The following RFTN1 variants were observed in gnomAD, a reference collection of about 807,000 sequenced individuals.
RFTN1 encodes the protein raftlin, lipid raft linker 1, also known as raftlin.
RFTN1 carries 26 observed loss-of-function variants against 46.5 expected under a neutral mutation model. The ratio of observed to expected loss-of-function variants is 0.56; its 90% CI spans 0.41 to 0.78. The LOEUF (loss-of-function observed/expected upper bound fraction) is 0.78. RFTN1 is among the 30% of genes least tolerant of loss of function. The pLI is 0.00. For missense variants in RFTN1, 693 were observed against 718.7 expected (o/e 0.96, Z 0.41); for synonymous variants, 261 against 284.2 (o/e 0.92, Z 0.82).
Position 16,387,388 on chromosome 3 carries a change from GAC to G in RFTN1, c.442-9288_442-9287del, listed in dbSNP as rs144374174. ...CCACCACCTCCAGAGATGACTTAAA[GAC>G]AAAATCGAGGTCAGAAGCTGAGAAG... On this transcript the variant is annotated intron_variant, in intron 4 of 9. Transcript: ENST00000334133. The surrounding 1 kb of genome is among the most constrained non-coding windows in gnomAD (Gnocchi z 5.2). Among the ~76,000 whole-genome samples, 118 of 152,180 alleles carry G rather than the reference GAC, an allele frequency of 7.8e-4. No individual in the cohort carries two copies. The highest frequency in any genetic ancestry group is 2.7e-3 in the African/African-American group (111 of 41,520).
intron 5 of RFTN1, among the ~76,000 whole-genome samples, chr3:16,377,452 C>T (rs902223776): frequency 6.6e-6 from 1 of 152,220 alleles, no homozygotes; most frequent in East Asian, 1.9e-4. Flanking sequence ...AAAGAGCTCA[C>T]AGTCTAGAAT....
In RFTN1 at chr3:16,337,972, G is replaced by A. The variant is rs535397171; in HGVS notation, c.1147-11096C>T. ...CCCAGCAGTGCCACCAGCTTGCCCTGGAAGAGAGAGATAAAAACCCACACT... is the reference window on the plus strand; with the variant it reads ...CCCAGCAGTGCCACCAGCTTGCCCTAGAAGAGAGAGATAAAAACCCACACT... On this transcript the variant is annotated intron_variant, in intron 7 of 9. Transcript: ENST00000334133. The surrounding 1 kb of genome is among the most constrained non-coding windows in gnomAD (Gnocchi z 5.0). Among the ~76,000 whole-genome samples, 1 of 152,122 alleles carries A rather than the reference G, an allele frequency of 6.6e-6. No individual in the cohort carries two copies. Among genetic ancestry groups the A allele is most frequent in the Non-Finnish European group, 1.5e-5 (1 of 68,014 alleles).
At chr3:16,396,837 C>T (rs1051792837) in intron 4 of RFTN1, among the ~76,000 whole-genome samples, 11 of 152,120 alleles carry the variant, frequency 7.2e-5, no homozygotes, top group East Asian at 1.9e-4. Flanking sequence ...CTGAGGTGGG[C>T]GGATCACCTG....
Position 16,395,173 on chromosome 3 carries a change from G to A in RFTN1, c.441+14202C>T, listed in dbSNP as rs187777439. On this transcript the variant is annotated intron_variant, in intron 4 of 9. Coordinates refer to ENST00000334133, the MANE Select transcript of RFTN1 (RefSeq NM_015150.2). ...TATTCCTCAAATGTTATATGCCAAAGTTGGCCCCAAACTTTTTAAATGTTT... is the reference window on the plus strand; with the variant it reads ...TATTCCTCAAATGTTATATGCCAAAATTGGCCCCAAACTTTTTAAATGTTT... Among the ~76,000 whole-genome samples the A allele has an allele frequency of 3.1e-3, 466 of 152,296 alleles. 2 individuals are homozygous for A. Among genetic ancestry groups the A allele is most frequent in the Non-Finnish European group, 5.2e-3 (357 of 68,024 alleles).
rs1209777819 is a variant in RFTN1 at position 16,509,836 on chromosome 3, G to C, written c.-9+3606C>G. ...TACCCTCTGGCAGGCACTGCGCTAGGCTTTTAAGGAGGAGGGAACAGTCCC... is the reference window on the plus strand; with the variant it reads ...TACCCTCTGGCAGGCACTGCGCTAGCCTTTTAAGGAGGAGGGAACAGTCCC... On this transcript the variant is annotated intron_variant, in intron 1 of 9. Coordinates refer to ENST00000334133, the MANE Select transcript of RFTN1 (RefSeq NM_015150.2). The surrounding 1 kb of genome is among the most constrained non-coding windows in gnomAD (Gnocchi z 4.9). Among the ~76,000 whole-genome samples, 1 of 152,128 alleles carries C rather than the reference G, an allele frequency of 6.6e-6. No homozygotes were observed. Among genetic ancestry groups the C allele is most frequent in the Non-Finnish European group, 1.5e-5 (1 of 68,010 alleles).
chr3:16,486,538 T>G (rs1211364436), intron 2 of RFTN1, among the ~76,000 whole-genome samples: 1 of 152,198 alleles, frequency 6.6e-6, no homozygotes, highest in African/African-American at 2.4e-5. Context: ...GTGAAAAGAT[T>G]ATCTGCTTCC....
At position 16,351,108 on chromosome 3, in the gene RFTN1, G is replaced by T. The variant is rs2072067839; in HGVS notation, c.1146+6824C>A. 6.6e-6 allele frequency among the ~76,000 whole-genome samples: 1 copy of T among 152,156 alleles called. No homozygotes were observed. Among genetic ancestry groups the T allele is most frequent in the Admixed American group, 6.5e-5 (1 of 15,278 alleles). On this transcript the variant is annotated intron_variant, in intron 7 of 9. Coordinates refer to ENST00000334133, the MANE Select transcript of RFTN1 (RefSeq NM_015150.2). The surrounding 1 kb of genome is among the most constrained non-coding windows in gnomAD (Gnocchi z 5.4). ...TGAGACAGGGTTACAGGCCAGAGTA[G>T]GTTTCAGTTACAGAAAAGTGTGTCA...
intron 2 of RFTN1, among the ~76,000 whole-genome samples, chr3:16,482,215 G>GT (rs2076377494): frequency 6.6e-6 from 1 of 152,174 alleles, no homozygotes; most frequent in Admixed American, 6.5e-5. Context: ...CTGCGGCTCT[G>GT]TAAGACAAGA....
At chr3:16,330,625 C>T (rs889861545) in intron 7 of RFTN1, among the ~76,000 whole-genome samples, 2 of 152,196 alleles carry the variant, frequency 1.3e-5, no homozygotes, top group Non-Finnish European at 2.9e-5. Flanking sequence ...ACGTAATCTC[C>T]GATCACACCT....
At chr3:16,364,082 C>T (rs74477348) in intron 6 of RFTN1, among the ~76,000 whole-genome samples, 3,194 of 152,298 alleles carry the variant, frequency 0.021, 55 homozygotes, top group African/African-American at 0.041. Flanking sequence ...TGCTCTGGGC[C>T]GGCCTGCCTT....
rs2073769090 is a variant in RFTN1, at chr3:16,376,318, C to T, written c.826+1400G>A. ...AGAAACTGAGGCACGGAAGGCAGGCCGGAATGTATACTCTAGATTCTTGAG... is the reference window on the plus strand; with the variant it reads ...AGAAACTGAGGCACGGAAGGCAGGCTGGAATGTATACTCTAGATTCTTGAG... On this transcript the variant is annotated intron_variant, in intron 5 of 9. Transcript: ENST00000334133. The surrounding 1 kb of genome is among the most constrained non-coding windows in gnomAD (Gnocchi z 4.7). Among the ~76,000 whole-genome samples, 2 of 152,154 alleles carry T rather than the reference C, an allele frequency of 1.3e-5. No individual in the cohort carries two copies. Among genetic ancestry groups the T allele is most frequent in the African/African-American group, 4.8e-5 (2 of 41,420 alleles).
chr3:16,375,657 G>A (rs1324468393), intron 5 of RFTN1, among the ~76,000 whole-genome samples: 1 of 152,298 alleles, frequency 6.6e-6, no homozygotes, highest in East Asian at 1.9e-4. Context: ...AGAGATAAAG[G>A]GACTGCTTTA....
In RFTN1 at chr3:16,451,349, C is replaced by A. The variant is rs909867276; in HGVS notation, c.146-17312G>T. On this transcript the variant is annotated intron_variant, in intron 2 of 9. Transcript: ENST00000334133. The surrounding 1 kb of genome is among the most constrained non-coding windows in gnomAD (Gnocchi z 4.2). ...TCCTTCCAGGACACATGGTAGATGCCCCTGCATGCTGGACACGAAGTCTAA... is the reference window on the plus strand; with the variant it reads ...TCCTTCCAGGACACATGGTAGATGCACCTGCATGCTGGACACGAAGTCTAA... Among the ~76,000 whole-genome samples, 3 of 152,152 alleles carry A rather than the reference C, an allele frequency of 2.0e-5. No homozygotes were observed. Among genetic ancestry groups the A allele is most frequent in the African/African-American group, 7.2e-5 (3 of 41,436 alleles).
rs375946247 is a variant in RFTN1, at chr3:16,316,814, A to G, written c.*14T>C. On this transcript the variant is annotated 3_prime_UTR_variant, in exon 10 of 10. Coordinates refer to ENST00000334133, the MANE Select transcript of RFTN1 (RefSeq NM_015150.2). This position sits in a 1 kb window ranked among gnomAD's most constrained non-coding sequence, Gnocchi z 4.5. ...TTGGCAACTCACCTAGTTTTAGCAC[A>G]AATTGCCCAAGACTCAGTTTTCTTC... 1.2e-6 allele frequency: 2 copies of G among 1,613,150 alleles called. No homozygotes were observed. The highest frequency in any genetic ancestry group is 2.7e-5 in the African/African-American group (2 of 74,930).
At chr3:16,377,373 C>T (rs1238947653) in intron 5 of RFTN1, among the ~76,000 whole-genome samples, 1 of 152,170 alleles carries the variant, frequency 6.6e-6, no homozygotes, top group Admixed American at 6.5e-5. Flanking sequence ...TTCATCGGTG[C>T]CTGGCAGGCT....
At chr3:16,478,775 C>T (rs2076321939) in intron 2 of RFTN1, among the ~76,000 whole-genome samples, 1 of 152,164 alleles carries the variant, frequency 6.6e-6, no homozygotes, top group South Asian at 2.1e-4. Flanking sequence ...GGCTTAGGGC[C>T]CCAATTCCTC....
Position 16,478,900 on chromosome 3 carries a change from G to A in RFTN1, c.145+14825C>T, listed in dbSNP as rs140179878. ...GGGGAGTAATCAAGAGAGAGCGGGAGAGTGCAAGATGGAAGCTACAATCTT... is the reference window on the plus strand; with the variant it reads ...GGGGAGTAATCAAGAGAGAGCGGGAAAGTGCAAGATGGAAGCTACAATCTT... On this transcript the variant is annotated intron_variant, in intron 2 of 9. Transcript: ENST00000334133. Among the ~76,000 whole-genome samples, 308 of 152,316 alleles carry A rather than the reference G, an allele frequency of 2.0e-3. 3 individuals carry two copies. Among genetic ancestry groups the A allele is most frequent in the African/African-American group, 6.7e-3 (278 of 41,574 alleles).
chr3:16,473,832 T>G lies in RFTN1; in HGVS notation c.145+19893A>C, dbSNP rs565084135. Among the ~76,000 whole-genome samples the G allele has an allele frequency of 2.0e-5, 3 of 152,198 alleles. No homozygotes were observed. The highest frequency in any genetic ancestry group is 4.4e-5 in the Non-Finnish European group (3 of 68,024). On this transcript the variant is annotated intron_variant, in intron 2 of 9. Transcript: ENST00000334133. This position sits in a 1 kb window ranked among gnomAD's most constrained non-coding sequence, Gnocchi z 5.3. ...CCTCCCACTTCTCCCTATCCTTCCC[T>G]GTCCTAGAAGCACGAAACCTACCTC... is the stretch of plus-strand genomic sequence containing the variant.
rs2076419830 is a variant in RFTN1, at chr3:16,484,667, A to G, written c.145+9058T>C. 1 of 152,194 alleles carries G rather than the reference A, an allele frequency of 6.6e-6. No individual in the cohort carries two copies. 9.4% of individuals were successfully genotyped at this position (152,194 alleles called of 1,614,324 possible). The stretch of plus-strand genomic sequence containing the variant: ...AGAAAGGGGCAAAGGTGAATAAATT[A>G]CCTTTGAACTTTTTCATGTTGAAGC... On this transcript the variant is annotated intron_variant, in intron 2 of 9. Transcript: ENST00000334133. This position sits in a 1 kb window ranked among gnomAD's most constrained non-coding sequence, Gnocchi z 4.6.
Sources: gnomAD v4.1 joint callset for allele counts (sites outside exome capture counted in the v4.1 genomes callset) on GRCh38, gnomAD v4.1.1 for gene constraint, Gnocchi (gnomAD v3.1) non-coding constraint, MANE v1.5 for transcripts, NCBI Gene and HGNC (gene_info 2026-07-23, HGNC 2026-07-21) for gene names.